TBC1D2: variants seen among roughly 807,000 people sequenced by gnomAD.
TBC1D2 encodes the protein TBC1 domain family member 2.
In TBC1D2, 58 loss-of-function variants were observed where a neutral mutation model predicts 91.1. The observed-to-expected ratio is 0.64, with a 90% CI of 0.52 to 0.79. The LOEUF is 0.79. Ranked by LOEUF, TBC1D2 falls within the 30% of genes least tolerant of loss-of-function variation. TBC1D2 has a pLI of 0.00. For synonymous variants in TBC1D2, 482 were observed against 511.5 expected (o/e 0.94, Z 0.78); for missense variants, 1,080 against 1,208.3 (o/e 0.89, Z 1.57).
At chr9:98,214,054 A>G (rs1461142747) in intron 6 of TBC1D2, among the ~76,000 whole-genome samples, 3 of 152,242 alleles carry the variant, frequency 2.0e-5, no homozygotes, top group Admixed American at 1.3e-4. Flanking sequence ...GAAGCCGTTC[A>G]GTCACGTAAC....
intron 3 of TBC1D2, chr9:98,235,634 G>T: frequency 2.7e-6 from 1 of 365,310 alleles, no homozygotes. Context: ...TTTCTCTAAA[G>T]CACTTCCCAA....
intron 2 of TBC1D2, among the ~76,000 whole-genome samples, chr9:98,244,843 T>A (rs929087363): frequency 6.6e-6 from 1 of 152,136 alleles, no homozygotes; most frequent in African/African-American, 2.4e-5. Flanking sequence ...TATATCAGAA[T>A]GTCTTCATAT....
At chr9:98,233,378 G>A (rs528420389) in intron 4 of TBC1D2, 38 bp downstream of exon 4, 1 of 1,587,382 alleles carries the variant, frequency 6.3e-7, no homozygotes, top group African/African-American at 1.4e-5. Context: ...GTGAGGAGCT[G>A]GTCCCTGAAG....
chr9:98,239,951 G>A (rs914269344), intron 3 of TBC1D2, among the ~76,000 whole-genome samples: 1 of 152,102 alleles, frequency 6.6e-6, no homozygotes, highest in Non-Finnish European at 1.5e-5. Context: ...TATCAAATTT[G>A]TTGGCACATA....
chr9:98,238,443 C>A (rs1829561445), intron 3 of TBC1D2, among the ~76,000 whole-genome samples: 1 of 136,910 alleles, frequency 7.3e-6, no homozygotes, highest in Admixed American at 6.8e-5. Flanking sequence ...GATCTTGAAT[C>A]CTGCAACCTT....
rs528667791 is a variant in TBC1D2, at chr9:98,244,527, C to T, written c.512-398G>A. ...ACACAAAATTAGCCAGGCGTGGTGG[C>T]GCATTCTTGCAATCCCAGCTACTCA... is the stretch of plus-strand genomic sequence containing the variant. On this transcript the variant is annotated intron_variant, in intron 2 of 12. Coordinates refer to ENST00000465784, the MANE Select transcript of TBC1D2 (RefSeq NM_001267571.2). Among the ~76,000 whole-genome samples, 17 of 152,090 alleles carry T rather than the reference C, an allele frequency of 1.1e-4. No individual in the cohort carries two copies. In the South Asian group the frequency reaches 1.7e-3, roughly 15 times the overall value.
At position 98,231,342 on chromosome 9, in the gene TBC1D2, G is replaced by T. The variant is rs1829365635; in HGVS notation, c.781+2074C>A. 2.2e-5 allele frequency among the ~76,000 whole-genome samples: 3 copies of T among 136,086 alleles called. No individual in the cohort carries two copies. In the South Asian group the frequency reaches 6.8e-4, roughly 31 times the overall value. The allele number at this position is 136,086 out of a possible 152,430, so 89.3% of individuals were successfully genotyped here. A position where few individuals can be genotyped will look rare whatever the true frequency, so the allele number is the denominator to read the frequency against. ...ATTTAGAGTCTCAAAAAGAATTTAG[G>T]TGTTTTTTATTAGTGTTCAAGAAAC... On this transcript the variant is annotated intron_variant, in intron 4 of 12. Transcript: ENST00000465784.
chr9:98,200,566 G>A (rs2118976941), intron 11 of TBC1D2, among the ~76,000 whole-genome samples, 192 bp from the exon 12 acceptor site: 1 of 152,004 alleles, frequency 6.6e-6, no homozygotes, highest in East Asian at 1.9e-4. Context: ...CGGGGTGGTG[G>A]GGGGGCGGGG....
At chr9:98,232,287 G>T (rs1464637910) in intron 4 of TBC1D2, among the ~76,000 whole-genome samples, 1 of 150,500 alleles carries the variant, frequency 6.6e-6, no homozygotes, top group African/African-American at 2.5e-5. Flanking sequence ...CTAGGGCTCT[G>T]CCAGGCACTG....
chr9:98,199,551 A>G lies in TBC1D2; in HGVS notation c.2617T>C (p.Phe873Leu). ...AGCTGCCGCAGCTGTTTCATGCGGA[A>G]GGGGTTCATGTCATTGAAGGCGATG... ...MNIAFNDMNP[F>L]RMKQLRQLRM... The change falls in exon 13 of 13, where the codon TTC becomes CTC. Residue 873 changes from phenylalanine (F) to leucine (L), a missense_variant. Physicochemically the swap from Phe to Leu is conservative, Grantham distance 22. Coordinates refer to ENST00000465784, the MANE Select transcript of TBC1D2 (RefSeq NM_001267571.2). The G allele has an allele frequency of 1.2e-6, 2 of 1,614,136 alleles. No homozygotes were observed. Among genetic ancestry groups the G allele is most frequent in the Non-Finnish European group, 1.7e-6 (2 of 1,180,038 alleles).
intron 3 of TBC1D2, among the ~76,000 whole-genome samples, chr9:98,242,677 T>G (rs774413208): frequency 1.1e-4 from 16 of 152,116 alleles, no homozygotes; most frequent in South Asian, 4.1e-4. Context: ...GCTGTTGTAT[T>G]TACATTTACT....
Position 98,201,509 on chromosome 9 carries a change from G to T in TBC1D2, c.2427C>A (p.Val809=). 1 of 1,614,102 alleles carries T rather than the reference G, an allele frequency of 6.2e-7. No homozygotes were observed. The highest frequency in any genetic ancestry group is 1.1e-5 in the South Asian group (1 of 91,068). The stretch of plus-strand genomic sequence containing the variant: ...TCCCCTCGTACAGGAAGGCATCCCA[G>T]ACCCGAAGGAGGATGTTGCTAATGA... ...DSLISNILLR[V]WDAFLYEGTK... is the part of the protein sequence containing the mutation. Residue 809 remains valine (V), a synonymous_variant, in exon 11 of 13, where the codon GTC becomes GTA. Coordinates refer to ENST00000465784, the MANE Select transcript of TBC1D2 (RefSeq NM_001267571.2).
chr9:98,210,448 G>A (rs1279715546), intron 8 of TBC1D2, among the ~76,000 whole-genome samples: 1 of 152,196 alleles, frequency 6.6e-6, no homozygotes, highest in Non-Finnish European at 1.5e-5. Context: ...GGCAGCCTGT[G>A]CCGCAAATGT....
chr9:98,237,673 AT>A (rs545143016), intron 3 of TBC1D2, among the ~76,000 whole-genome samples: 1 of 149,568 alleles, frequency 6.7e-6, no homozygotes, highest in African/African-American at 2.5e-5. Flanking sequence ...TGCCCGGCTA[AT>A]TTTTTTTGTA....
Position 98,233,593 on chromosome 9 carries a change from C to T in TBC1D2, c.648-44G>A, listed in dbSNP as rs370978416. The T allele has an allele frequency of 3.0e-5, 48 of 1,603,718 alleles. No homozygotes were observed. The African/African-American group carries it at 5.9e-4, about 20-fold the overall frequency. On this transcript the variant is annotated intron_variant, in intron 3 of 12. Coordinates refer to ENST00000465784, the MANE Select transcript of TBC1D2 (RefSeq NM_001267571.2). ...AGAGGAGCATGAGGCTGAACCCTGCCTTTCTGCCCTTCTGTCCTTCCCGCC... is the reference window on the plus strand; with the variant it reads ...AGAGGAGCATGAGGCTGAACCCTGCTTTTCTGCCCTTCTGTCCTTCCCGCC...
intron 5 of TBC1D2, among the ~76,000 whole-genome samples, 180 bp from the exon 6 acceptor site, chr9:98,221,408 C>G (rs1324269357): frequency 2.0e-5 from 3 of 152,224 alleles, no homozygotes; most frequent in Admixed American, 6.5e-5. Context: ...TAGCTGGGCA[C>G]ATGGTTCCCC....
chr9:98,203,712 C>T (rs1414828981), intron 9 of TBC1D2, among the ~76,000 whole-genome samples: 3 of 152,086 alleles, frequency 2.0e-5, no homozygotes, highest in Non-Finnish European at 4.4e-5. Flanking sequence ...GTTACTGAAC[C>T]CCTGTAAGCC....
chr9:98,237,541 CT>C (rs1266542011), intron 3 of TBC1D2, among the ~76,000 whole-genome samples: 14 of 150,612 alleles, frequency 9.3e-5, no homozygotes, highest in African/African-American at 3.4e-4. Context: ...GAGTCTTGCT[CT>C]GTCGCCCAGG....
intron 6 of TBC1D2, among the ~76,000 whole-genome samples, chr9:98,217,572 C>T (rs777324520): frequency 6.6e-6 from 1 of 152,230 alleles, no homozygotes; most frequent in Admixed American, 6.5e-5. Flanking sequence ...AGGGGCATTC[C>T]CTAAAGTTGG....
Sources: allele counts gnomAD v4.1 joint callset (sites outside exome capture counted in the v4.1 genomes callset), GRCh38; gene constraint gnomAD v4.1.1; transcripts MANE v1.5; gene names NCBI Gene and HGNC (gene_info 2026-07-23, HGNC 2026-07-21).